TBXT: variants seen among roughly 807,000 people sequenced by gnomAD.
TBXT encodes the protein T-box transcription factor T.
Under a neutral mutation model 41.1 loss-of-function variants are expected in TBXT, and 19 were observed. The observed-to-expected ratio is 0.46, with a 90% CI of 0.32 to 0.68. The LOEUF (loss-of-function observed/expected upper bound fraction) is 0.68. Ranked by LOEUF, TBXT falls within the 30% of genes least tolerant of loss-of-function variation. The pLI, the probability that TBXT is intolerant of heterozygous loss-of-function variation, is 0.03. For missense variants in TBXT, 536 were observed against 582.0 expected (o/e 0.92, Z 0.81); for synonymous variants, 213 against 238.9 (o/e 0.89, Z 1.00).
At chr6:166,163,738 G>A (rs566235686) in intron 5 of TBXT, among the ~76,000 whole-genome samples, 121 of 152,288 alleles carry the variant, frequency 7.9e-4, no homozygotes, top group Admixed American at 2.1e-3. Context: ...AACCCCTAGC[G>A]GGACAACTAC....
chr6:166,167,310 C>A, intron 1 of TBXT, 76 bp downstream of exon 1: 1 of 1,561,750 alleles, frequency 6.4e-7, no homozygotes, highest in South Asian at 1.1e-5. Flanking sequence ...GTTCGACCTC[C>A]GGGAACTTGC....
chr6:166,166,676 C>A lies in TBXT; in HGVS notation c.387G>T (p.Ser129=). 1 of 1,614,062 alleles carries A rather than the reference C, an allele frequency of 6.2e-7. No homozygotes were observed. Residue 129 remains serine (S), a synonymous_variant, in exon 2 of 8, where the codon TCG becomes TCT. Transcript: ENST00000366876. ...TCATCCAGTGGGCCCCGAAGTTGGG[C>A]GAGTCGGGGTGGATGTAGACGCAGC... ...APSCVYIHPD[S]PNFGAHWMKA... is the part of the protein sequence containing the mutation.
rs756655657 is a variant in TBXT, at chr6:166,158,274, C to A, written c.*41G>T. On this transcript the variant is annotated 3_prime_UTR_variant, in exon 8 of 8. Transcript: ENST00000366876. Reference sequence around the variant, plus strand: ...ATCCAGTCACCACTGGCTGCCACGACAAAAAGTCACTGCATCTTTCGGGAC... The same window carrying A: ...ATCCAGTCACCACTGGCTGCCACGAAAAAAAGTCACTGCATCTTTCGGGAC... The A allele has an allele frequency of 2.5e-6, 4 of 1,614,198 alleles. No homozygotes were observed. Among genetic ancestry groups the A allele is most frequent in the Non-Finnish European group, 2.5e-6 (3 of 1,180,032 alleles).
intron 7 of TBXT, among the ~76,000 whole-genome samples, chr6:166,160,534 A>G (rs1778922049): frequency 6.6e-6 from 1 of 152,142 alleles, no homozygotes. Context: ...GTGAACCAGT[A>G]AGTGGCAGAA....
At chr6:166,163,040 C>T (rs549871466) in intron 5 of TBXT, among the ~76,000 whole-genome samples, 12 of 152,352 alleles carry the variant, frequency 7.9e-5, no homozygotes, top group African/African-American at 2.9e-4. Context: ...AGGAGCCTGG[C>T]CTCAGGCAAC....
chr6:166,158,049 A>T lies in TBXT; in HGVS notation c.*266T>A. 1 of 587,432 alleles carries T rather than the reference A, an allele frequency of 1.7e-6. No individual in the cohort carries two copies. The highest frequency in any genetic ancestry group is 3.0e-6 in the Non-Finnish European group (1 of 332,662). The allele number at this position is 587,432 out of a possible 1,614,324, so 36.4% of individuals were successfully genotyped here. On this transcript the variant is annotated 3_prime_UTR_variant, in exon 8 of 8. Transcript: ENST00000366876. ...GGCAAACATTTTTTCACCGTCAGTG[A>T]GGTTGGGCCAACTGCATCATCTCCA...
At chr6:166,164,413 G>A (rs1214630188) in intron 5 of TBXT, among the ~76,000 whole-genome samples, 192 bp downstream of exon 5, 3 of 152,162 alleles carry the variant, frequency 2.0e-5, no homozygotes, top group Non-Finnish European at 2.9e-5. Context: ...CCACAGCCCC[G>A]ATTAGAGCAG....
At position 166,160,195 on chromosome 6, in the gene TBXT, T is replaced by C. The variant is rs541488669; in HGVS notation, c.1037+642A>G. Among the ~76,000 whole-genome samples the C allele has an allele frequency of 5.3e-5, 8 of 152,344 alleles. No individual in the cohort carries two copies. The South Asian group carries it at 1.0e-3, about 20-fold the overall frequency. ...TTTTTATATTCATCCTATGAAGAAA[T>C]GTAAGACATTTACCAGCCTGCTTAA... On this transcript the variant is annotated intron_variant, in intron 7 of 7. Transcript: ENST00000366876.
intron 5 of TBXT, among the ~76,000 whole-genome samples, chr6:166,164,349 C>A (rs1779047246): frequency 6.6e-6 from 1 of 152,196 alleles, no homozygotes; most frequent in South Asian, 2.1e-4. Flanking sequence ...AATGATCCAC[C>A]CCAGGCATGG....
At position 166,158,102 on chromosome 6, in the gene TBXT, G is replaced by T; in HGVS notation, c.*213C>A. On this transcript the variant is annotated 3_prime_UTR_variant, in exon 8 of 8. Coordinates refer to ENST00000366876, the MANE Select transcript of TBXT (RefSeq NM_001366285.2). ...GTTGGGTTCATCTGTAAGCCACCTG[G>T]GACAGCACCGCTACTGCAGGTGTGA... 1 of 721,842 alleles carries T rather than the reference G, an allele frequency of 1.4e-6. No homozygotes were observed. Among genetic ancestry groups the T allele is most frequent in the Non-Finnish European group, 2.3e-6 (1 of 428,458 alleles). 44.7% of individuals were successfully genotyped at this position (721,842 alleles called of 1,614,324 possible). A position where few individuals can be genotyped will look rare whatever the true frequency, so the allele number is the denominator to read the frequency against.
At chr6:166,165,099 C>G (rs1223284465) in intron 3 of TBXT, among the ~76,000 whole-genome samples, 1 of 152,150 alleles carries the variant, frequency 6.6e-6, no homozygotes, top group Non-Finnish European at 1.5e-5. Context: ...TAAATTTAAC[C>G]TACTACTAAC....
At chr6:166,158,706 T>G in intron 7 of TBXT, 118 bp from the exon 8 acceptor site, 1 of 1,216,626 alleles carries the variant, frequency 8.2e-7, no homozygotes, top group Non-Finnish European at 1.1e-6. Context: ...AGTTTTCTTC[T>G]TTCAAACAGG....
intron 6 of TBXT, 44 bp downstream of exon 6, chr6:166,162,403 G>A: frequency 6.2e-7 from 1 of 1,610,656 alleles, no homozygotes; most frequent in Non-Finnish European, 8.5e-7. Context: ...AAGTGGTCTT[G>A]CAGCCACCCA....
rs1444534852 is a variant in TBXT at position 166,160,831 on chromosome 6, C to A, written c.1037+6G>T. ...TGCTTTGCACCAGGTCCTGGACATA[C>A]ATTACCTGGAGCTGGTAGGTGGGCT... On this transcript the variant is annotated splice_donor_region_variant and intron_variant, in intron 7 of 7. Transcript: ENST00000366876. The A allele has an allele frequency of 6.2e-7, 1 of 1,614,090 alleles. No homozygotes were observed. Among genetic ancestry groups the A allele is most frequent in the Non-Finnish European group, 8.5e-7 (1 of 1,180,002 alleles).
In TBXT at chr6:166,162,456, T is replaced by G; in HGVS notation, c.898A>C (p.Asn300His). 6.2e-7 allele frequency: 1 copy of G among 1,614,106 alleles called. No homozygotes were observed. The highest frequency in any genetic ancestry group is 1.3e-5 in the African/African-American group (1 of 75,022). ...PYPSPYAHRNNSPTYSDNSPA... is the reference protein window; with the variant it reads ...PYPSPYAHRNHSPTYSDNSPA... ...GAGGCTGAGGACTCACTTGGAGAAT[T>G]GTTCCGATGAGCATAGGGGCTGGGG... is the stretch of plus-strand genomic sequence containing the variant. The change falls in exon 6 of 8, where the codon AAT (asparagine) becomes CAT (histidine). Residue 300 changes from asparagine to histidine, a missense_variant. Asn to His is a moderately conservative substitution (Grantham distance 68, BLOSUM62 1). Coordinates refer to ENST00000366876, the MANE Select transcript of TBXT (RefSeq NM_001366285.2).
intron 2 of TBXT, 128 bp from the exon 3 acceptor site, chr6:166,165,968 G>C (rs1266564077): frequency 7.0e-7 from 1 of 1,438,104 alleles, no homozygotes; most frequent in Non-Finnish European, 9.7e-7. Flanking sequence ...GAGGGAAGTG[G>C]GGTTCCACCA....
chr6:166,160,817 A>T lies in TBXT; in HGVS notation c.1037+20T>A. 1.2e-6 allele frequency: 2 copies of T among 1,613,888 alleles called. No homozygotes were observed. The highest frequency in any genetic ancestry group is 2.2e-5 in the South Asian group (2 of 91,064). On this transcript the variant is annotated intron_variant, in intron 7 of 7. Transcript: ENST00000366876. Reference sequence around the variant, plus strand: ...CAGAGCTCCCAGGATGCTTTGCACCAGGTCCTGGACATACATTACCTGGAG... The same window carrying T: ...CAGAGCTCCCAGGATGCTTTGCACCTGGTCCTGGACATACATTACCTGGAG...
At chr6:166,162,326 G>C (rs1228626204) in intron 6 of TBXT, 121 bp downstream of exon 6, 9 of 1,114,362 alleles carry the variant, frequency 8.1e-6, no homozygotes, top group Non-Finnish European at 1.2e-5. Flanking sequence ...AACTGGGCTT[G>C]GGTATGTGTT....
At position 166,167,609 on chromosome 6, in the gene TBXT, C is replaced by T. The variant is rs1371968524; in HGVS notation, c.-18G>A. The T allele has an allele frequency of 5.8e-6, 9 of 1,543,046 alleles. No individual in the cohort carries two copies. The East Asian group carries it at 1.9e-4, about 33-fold the overall frequency. ...GAGCTCATCCTCCCGTCCGGCTCCC[C>T]TCCCCGCCGTCCCCGAAGCCCAGAC... On this transcript the variant is annotated 5_prime_UTR_variant, in exon 1 of 8. Coordinates refer to ENST00000366876, the MANE Select transcript of TBXT (RefSeq NM_001366285.2).
Sources: gnomAD v4.1 joint callset for allele counts (sites outside exome capture counted in the v4.1 genomes callset) on GRCh38, gnomAD v4.1.1 for gene constraint, MANE v1.5 for transcripts, NCBI Gene and HGNC (gene_info 2026-07-23, HGNC 2026-07-21) for gene names.